G3BP1: variants seen among roughly 807,000 people sequenced by gnomAD.
The protein encoded by G3BP1 is ras GTPase-activating protein-binding protein 1.
A neutral mutation model predicts 58.6 loss-of-function variants in G3BP1; 35 were observed. The observed-to-expected ratio is 0.60, with a 90% confidence interval of 0.46 to 0.79. The LOEUF is 0.79. G3BP1 is among the 30% of genes least tolerant of loss of function. G3BP1 has a pLI of 0.00. For synonymous variants in G3BP1, 191 were observed against 195.4 expected (o/e 0.98, Z 0.19); for missense variants, 523 against 580.8 (o/e 0.90, Z 1.02).
chr5:151,800,105 G>A lies in G3BP1; in HGVS notation c.955+105G>A, dbSNP rs6878676. On this transcript the variant is annotated intron_variant, in intron 9 of 11. Transcript: ENST00000356245. Reference sequence around the variant, plus strand: ...ATACTTTAAAATAAAAATATTGTAGGGTTGATGGAATTACCTGTTTTTAGT... The same window carrying A: ...ATACTTTAAAATAAAAATATTGTAGAGTTGATGGAATTACCTGTTTTTAGT... 5,118 of 1,190,664 alleles carry A rather than the reference G, an allele frequency of 4.3e-3. 187 individuals carry two copies. In the African/African-American group the frequency reaches 0.069, roughly 16 times the overall value. 73.8% of individuals were successfully genotyped at this position (1,190,664 alleles called of 1,614,324 possible).
chr5:151,802,920 G>A (rs1382669111), intron 11 of G3BP1, among the ~76,000 whole-genome samples: 1 of 152,126 alleles, frequency 6.6e-6, no homozygotes, highest in African/African-American at 2.4e-5. Context: ...GCAGCAGAGC[G>A]AGACTCCATC....
At chr5:151,800,671 C>A in intron 10 of G3BP1, 89 bp from the exon 11 acceptor site, 1 of 799,080 alleles carries the variant, frequency 1.3e-6, no homozygotes, top group Non-Finnish European at 2.2e-6. Context: ...TAGTCACATG[C>A]ATCTAGTGGC....
chr5:151,778,472 G>A (rs530178321), intron 1 of G3BP1, among the ~76,000 whole-genome samples: 4 of 152,072 alleles, frequency 2.6e-5, no homozygotes, highest in Admixed American at 6.5e-5. Flanking sequence ...ACAGTGTTTC[G>A]CTCTTGTTGC....
At chr5:151,783,047 C>A (rs370120374) in intron 1 of G3BP1, among the ~76,000 whole-genome samples, 21 of 151,590 alleles carry the variant, frequency 1.4e-4, no homozygotes, top group African/African-American at 4.8e-4. Context: ...TTATTAGAGG[C>A]GGGGTTTCGC....
At chr5:151,786,896 G>T in intron 2 of G3BP1, 181 bp downstream of exon 2, 1 of 526,572 alleles carries the variant, frequency 1.9e-6, no homozygotes. Context: ...AGACTGGAGT[G>T]CAGTGGTGCG....
Position 151,794,222 on chromosome 5 carries a change from G to C in G3BP1, c.415G>C (p.Gly139Arg), listed in dbSNP as rs1762708962. The change falls in exon 5 of 12, where the codon GGT (glycine) becomes CGT (arginine). Residue 139 changes from glycine (G) to arginine (R), a missense_variant. By Grantham distance (125) the Gly-to-Arg change is moderately radical. Transcript: ENST00000356245. ...CTTCAGATACCAAGATGAGGTCTTTGGTGGGTTTGTCACTGAGCCTCAGGA... is the reference window on the plus strand; with the variant it reads ...CTTCAGATACCAAGATGAGGTCTTTCGTGGGTTTGTCACTGAGCCTCAGGA... Reference protein sequence around the residue: ...DIFRYQDEVFGGFVTEPQEES... With the variant: ...DIFRYQDEVFRGFVTEPQEES... 6.2e-7 allele frequency: 1 copy of C among 1,609,448 alleles called. No homozygotes were observed.
chr5:151,807,703 T>C lies in G3BP1; in HGVS notation c.*3612T>C, dbSNP rs569269659. On this transcript the variant is annotated 3_prime_UTR_variant, in exon 12 of 12. Coordinates refer to ENST00000356245, the MANE Select transcript of G3BP1 (RefSeq NM_005754.3). ...TATAAACTGTCACCTTCTGATACTT[T>C]TCTTCATCCCTCTATTTGAAAAACC... is the stretch of plus-strand genomic sequence containing the variant. 6.6e-6 allele frequency: 1 copy of C among 152,328 alleles called. No individual in the cohort carries two copies. The highest frequency in any genetic ancestry group is 2.4e-5 in the African/African-American group (1 of 41,588). The allele number at this position is 152,328 out of a possible 1,614,324, so 9.4% of individuals were successfully genotyped here.
At chr5:151,798,969 AAGTG>A (rs1762802089) in intron 7 of G3BP1, among the ~76,000 whole-genome samples, 1 of 152,124 alleles carries the variant, frequency 6.6e-6, no homozygotes, top group Non-Finnish European at 1.5e-5. Context: ...TCAAAAAAAA[AAGTG>A]AGTAGTTTCT....
Position 151,795,570 on chromosome 5 carries a change from T to C in G3BP1, c.534T>C (p.Val178=). ...CTGGAACTTTCTATGATCAGGCAGT[T>C]GTCAGGTAAGAAGATTTTGTTCACA... ...DDSGTFYDQA[V]VSNDMEEHLE... Residue 178 remains valine, a synonymous_variant, in exon 6 of 12, where the codon GTT becomes GTC. Coordinates refer to ENST00000356245, the MANE Select transcript of G3BP1 (RefSeq NM_005754.3). 1.9e-6 allele frequency: 3 copies of C among 1,565,820 alleles called. No homozygotes were observed. Among genetic ancestry groups the C allele is most frequent in the Non-Finnish European group, 2.6e-6 (3 of 1,137,080 alleles).
chr5:151,800,727 AAGT>A, intron 10 of G3BP1, 30 bp from the exon 11 acceptor site: 2 of 1,239,098 alleles, frequency 1.6e-6, no homozygotes, highest in Non-Finnish European at 2.4e-6. Context: ...ATAATGGTCT[AAGT>A]AGTTATCTGA....
chr5:151,799,370 G>C, intron 8 of G3BP1, 57 bp downstream of exon 8: 1 of 887,612 alleles, frequency 1.1e-6, no homozygotes, highest in Non-Finnish European at 1.9e-6. Context: ...GTGGTAATTT[G>C]ATTCAACAGA....
rs1195158685 is a variant in G3BP1, at chr5:151,806,525, A to G, written c.*2434A>G. The stretch of plus-strand genomic sequence containing the variant: ...AATGATAGTATTGGACCTAAGAAAT[A>G]GGATTAGCATCATGATCAGAACTGT... On this transcript the variant is annotated 3_prime_UTR_variant, in exon 12 of 12. Coordinates refer to ENST00000356245, the MANE Select transcript of G3BP1 (RefSeq NM_005754.3). The G allele has an allele frequency of 6.6e-6, 1 of 152,230 alleles. No homozygotes were observed. The highest frequency in any genetic ancestry group is 2.4e-5 in the African/African-American group (1 of 41,468). 9.4% of individuals were successfully genotyped at this position (152,230 alleles called of 1,614,324 possible). A position where few individuals can be genotyped will look rare whatever the true frequency, so the allele number is the denominator to read the frequency against.
At chr5:151,791,853 C>T in intron 4 of G3BP1, 1 of 312,884 alleles carries the variant, frequency 3.2e-6, no homozygotes. Flanking sequence ...GATGGGGTTT[C>T]ACCATATTCG....
At chr5:151,772,197 C>G (rs1762277143) in intron 1 of G3BP1, 161 bp downstream of exon 1, 4 of 149,740 alleles carry the variant, frequency 2.7e-5, no homozygotes, top group African/African-American at 9.7e-5. Flanking sequence ...GGCGGACGGA[C>G]GGGCGCGCGG....
At chr5:151,794,585 A>G (rs992554309) in intron 5 of G3BP1, among the ~76,000 whole-genome samples, 2 of 152,230 alleles carry the variant, frequency 1.3e-5, no homozygotes, top group African/African-American at 4.8e-5. Flanking sequence ...TGTTAAAGGC[A>G]TGGGACACTG....
At chr5:151,778,076 TTGTA>T (rs1561530250) in intron 1 of G3BP1, among the ~76,000 whole-genome samples, 1 of 152,206 alleles carries the variant, frequency 6.6e-6, no homozygotes, top group East Asian at 1.9e-4. Context: ...GTACAAGTCT[TTGTA>T]TGGGTATACG....
At chr5:151,785,549 C>T (rs895294810) in intron 1 of G3BP1, among the ~76,000 whole-genome samples, 2 of 152,120 alleles carry the variant, frequency 1.3e-5, no homozygotes, top group Non-Finnish European at 2.9e-5. Flanking sequence ...TCTCTTCCCC[C>T]GTGAATGAAA....
At position 151,797,313 on chromosome 5, in the gene G3BP1, A is replaced by C; in HGVS notation, c.626A>C (p.Glu209Ala). The change falls in exon 7 of 12, where the codon GAA (glutamate) becomes GCA (alanine). Residue 209 changes from glutamate (E) to alanine (A), a missense_variant. Physicochemically the swap from Glu to Ala is moderately radical, Grantham distance 107. Transcript: ENST00000356245. ...GAACCAGAACAAGAACCTGTATCTG[A>C]AATCCAAGAGGAAAAGCCTGAGCCA... Reference protein sequence around the residue: ...EPEPEQEPVSEIQEEKPEPVL... With the variant: ...EPEPEQEPVSAIQEEKPEPVL... The C allele has an allele frequency of 6.2e-7, 1 of 1,613,998 alleles. No individual in the cohort carries two copies. Among genetic ancestry groups the C allele is most frequent in the Non-Finnish European group, 8.5e-7 (1 of 1,179,876 alleles).
In G3BP1 at chr5:151,808,508, C is replaced by T. The variant is rs1762969237; in HGVS notation, c.*4417C>T. 6.6e-6 allele frequency: 1 copy of T among 152,200 alleles called. No homozygotes were observed. Among genetic ancestry groups the T allele is most frequent in the South Asian group, 2.1e-4 (1 of 4,830 alleles). 9.4% of individuals were successfully genotyped at this position (152,200 alleles called of 1,614,324 possible). A position where few individuals can be genotyped will look rare whatever the true frequency, so the allele number is the denominator to read the frequency against. On this transcript the variant is annotated 3_prime_UTR_variant, in exon 12 of 12. Coordinates refer to ENST00000356245, the MANE Select transcript of G3BP1 (RefSeq NM_005754.3). ...ACTTGTTTGAAAACATTGGATTCGT[C>T]TTCTCTCCACAGTTTCTACTTGAAC... is the stretch of plus-strand genomic sequence containing the variant.
Sources: allele counts gnomAD v4.1 joint callset (sites outside exome capture counted in the v4.1 genomes callset), GRCh38; gene constraint gnomAD v4.1.1; transcripts MANE v1.5; gene names NCBI Gene and HGNC (gene_info 2026-07-23, HGNC 2026-07-21).